The following IFT52 variants were observed in gnomAD, a reference collection of about 807,000 sequenced individuals.
IFT52 encodes intraflagellar transport protein 52 homolog.
IFT52 carries 44 observed loss-of-function variants against 54.4 expected under a neutral mutation model. The observed-to-expected ratio is 0.81, with a 90% CI of 0.63 to 1.04. IFT52 has a LOEUF of 1.04. Among genes scored for constraint, IFT52 ranks in the 50% least tolerant of loss-of-function variants. IFT52 has a pLI of 0.00. For missense variants in IFT52, 452 were observed against 523.6 expected (o/e 0.86, Z 1.33); for synonymous variants, 181 against 185.3 (o/e 0.98, Z 0.19).
At chr20:43,615,043 A>G (rs1306001243) in intron 7 of IFT52, among the ~76,000 whole-genome samples, 2 of 151,806 alleles carry the variant, frequency 1.3e-5, no homozygotes, top group Non-Finnish European at 2.9e-5. Flanking sequence ...TCCTGACCTC[A>G]AGTGATTCAC....
chr20:43,622,950 G>C (rs184196918), intron 9 of IFT52, among the ~76,000 whole-genome samples: 26 of 152,070 alleles, frequency 1.7e-4, no homozygotes, highest in African/African-American at 5.8e-4. Context: ...AGCAATGCTG[G>C]AGGGATGTCC....
intron 3 of IFT52, among the ~76,000 whole-genome samples, chr20:43,597,847 C>T (rs6065632): frequency 0.76 from 112,033 of 147,904 alleles, 42,684 homozygotes; most frequent in East Asian, 0.8. Flanking sequence ...GAGCAGAGAT[C>T]GGGCCACTGC....
intron 6 of IFT52, among the ~76,000 whole-genome samples, chr20:43,606,973 G>A (rs569337303): frequency 1.3e-5 from 2 of 152,186 alleles, no homozygotes; most frequent in Non-Finnish European, 2.9e-5. Flanking sequence ...AAAGTCTCCC[G>A]TGTCTACTTC....
chr20:43,622,509 G>A (rs1984379379), intron 9 of IFT52, among the ~76,000 whole-genome samples: 1 of 151,610 alleles, frequency 6.6e-6, no homozygotes, highest in African/African-American at 2.4e-5. Flanking sequence ...AGGCTGAGGC[G>A]GGAGAATGGC....
At chr20:43,594,642 G>T in intron 1 of IFT52, 51 bp from the exon 2 acceptor site, 2 of 999,524 alleles carry the variant, frequency 2.0e-6, no homozygotes, top group Non-Finnish European at 3.2e-6. Flanking sequence ...TACTTTTAGG[G>T]TCTTTGGAAT....
chr20:43,641,043 A>G (rs1985880752), intron 12 of IFT52, among the ~76,000 whole-genome samples: 1 of 151,656 alleles, frequency 6.6e-6, no homozygotes, highest in Non-Finnish European at 1.5e-5. Flanking sequence ...AAAAAAAAAA[A>G]AAAAAAAAAA....
At chr20:43,635,790 G>A in intron 10 of IFT52, 136 bp from the exon 11 acceptor site, 1 of 685,948 alleles carries the variant, frequency 1.5e-6, no homozygotes, top group East Asian at 2.7e-5. Flanking sequence ...CCAGTAATGG[G>A]ATTGCTGGGT....
intron 6 of IFT52, among the ~76,000 whole-genome samples, chr20:43,612,895 C>G (rs554037850): frequency 6.6e-6 from 1 of 152,288 alleles, no homozygotes; most frequent in African/African-American, 2.4e-5. Context: ...TCTGAGAGCA[C>G]TTCCTTCAAG....
At chr20:43,624,197 C>A (rs1358882486) in intron 10 of IFT52, 152 bp downstream of exon 10, 2 of 858,336 alleles carry the variant, frequency 2.3e-6, no homozygotes, top group African/African-American at 1.7e-5. Flanking sequence ...AGAAACTGGG[C>A]TGGGCATGAG....
intron 10 of IFT52, 81 bp downstream of exon 10, chr20:43,624,126 T>C: frequency 7.0e-7 from 1 of 1,420,080 alleles, no homozygotes; most frequent in Middle Eastern, 2.2e-4. Context: ...GGAACGGGAA[T>C]TAGGGTCACA....
At chr20:43,618,860 T>G (rs1984061793) in intron 7 of IFT52, 80 bp from the exon 8 acceptor site, 1 of 890,706 alleles carries the variant, frequency 1.1e-6, no homozygotes, top group African/African-American at 1.7e-5. Context: ...GCTAGCATGA[T>G]TCTAATAAGT....
rs1472197472 is a variant in IFT52, at chr20:43,635,204, CAT to C, written c.924-721_924-720del. On this transcript the variant is annotated intron_variant, in intron 10 of 13. Coordinates refer to ENST00000373030, the MANE Select transcript of IFT52 (RefSeq NM_016004.5). ...GAGAGAGAGAAAAAAAAAAAAAGGACATGTGGTATTTGGTTTTCTCTTCCTGT... is the reference window on the plus strand; with the variant it reads ...GAGAGAGAGAAAAAAAAAAAAAGGACGTGGTATTTGGTTTTCTCTTCCTGT... Among the ~76,000 whole-genome samples the C allele has an allele frequency of 4.7e-5, 7 of 149,584 alleles. No homozygotes were observed. The East Asian group carries it at 1.2e-3, about 25-fold the overall frequency.
chr20:43,637,209 C>T lies in IFT52; in HGVS notation c.1076C>T (p.Thr359Met), dbSNP rs745872163. The T allele has an allele frequency of 1.6e-5, 25 of 1,603,826 alleles. No individual in the cohort carries two copies. In the East Asian group the frequency reaches 1.6e-4, roughly 10 times the overall value. ...CTGGAGCTATTTGATTTAGATGAAA[C>T]GTTCTCCTCTGAGAAGGCACGGCTG... ...PPLELFDLDE[T>M]FSSEKARLAQ... The change falls in exon 12 of 14, where the codon ACG (threonine) becomes ATG (methionine). Residue 359 changes from threonine (T) to methionine (M), a missense_variant. Thr to Met is a moderately conservative substitution (Grantham distance 81). Coordinates refer to ENST00000373030, the MANE Select transcript of IFT52 (RefSeq NM_016004.5).
At chr20:43,644,517 C>T (rs1373965156) in intron 13 of IFT52, among the ~76,000 whole-genome samples, 1 of 58,900 alleles carries the variant, frequency 1.7e-5, no homozygotes, top group Non-Finnish European at 4.1e-5. Flanking sequence ...AATGGTGGCT[C>T]ACGCCTGTAA....
At chr20:43,628,144 G>T (rs1984884846) in intron 10 of IFT52, among the ~76,000 whole-genome samples, 1 of 151,858 alleles carries the variant, frequency 6.6e-6, no homozygotes, top group South Asian at 2.1e-4. Context: ...GGTCAGGCTG[G>T]TCTCAAACTC....
chr20:43,606,273 C>CTTT (rs1173335571), intron 6 of IFT52, among the ~76,000 whole-genome samples: 4 of 134,928 alleles, frequency 3.0e-5, no homozygotes, highest in Non-Finnish European at 4.8e-5. Flanking sequence ...AAATGAACAT[C>CTTT]TTTTTTTTTT....
In IFT52 at chr20:43,607,938, A is replaced by T. The variant is rs923848814; in HGVS notation, c.485+2865A>T. ...GGCTGGGGGATCACTCGCGGTTAGG[A>T]GCTGGAGACCAGCCCAGCCAACACA... On this transcript the variant is annotated intron_variant, in intron 6 of 13. Coordinates refer to ENST00000373030, the MANE Select transcript of IFT52 (RefSeq NM_016004.5). 2.0e-5 allele frequency among the ~76,000 whole-genome samples: 3 copies of T among 152,298 alleles called. No homozygotes were observed. The East Asian group carries it at 5.8e-4, about 29-fold the overall frequency.
chr20:43,619,910 C>CTTTTTTTTTTTTTTT (rs11482384), intron 8 of IFT52, among the ~76,000 whole-genome samples: 2 of 82,776 alleles, frequency 2.4e-5, no homozygotes, highest in Non-Finnish European at 4.2e-5. Flanking sequence ...AGATATTCTA[C>CTTTTTTTTTTTTTTT]TTTTTTTTTT....
rs1294834237 is a variant in IFT52, at chr20:43,644,115, A to AG, written c.1266+1491_1266+1492insG. ...GAGCAAGACTCTGTCTCAAAAAAAAAAGAAAAAGAAATCATCTTTCTCTGA... is the reference window on the plus strand; with the variant it reads ...GAGCAAGACTCTGTCTCAAAAAAAAAGAGAAAAAGAAATCATCTTTCTCTGA... On this transcript the variant is annotated intron_variant, in intron 13 of 13. Coordinates refer to ENST00000373030, the MANE Select transcript of IFT52 (RefSeq NM_016004.5). Among the ~76,000 whole-genome samples the AG allele has an allele frequency of 3.5e-5, 2 of 56,936 alleles. 1 individual carries two copies. The highest frequency in any genetic ancestry group is 1.2e-3 in the East Asian group (2 of 1,682). 37.4% of individuals were successfully genotyped at this position (56,936 alleles called of 152,430 possible).
Sources: allele counts gnomAD v4.1 joint callset (sites outside exome capture counted in the v4.1 genomes callset), GRCh38; gene constraint gnomAD v4.1.1; transcripts MANE v1.5; gene names NCBI Gene and HGNC (gene_info 2026-07-23, HGNC 2026-07-21).